AXDND1: variants seen among roughly 807,000 people sequenced by gnomAD.
The protein encoded by AXDND1 is axonemal dynein light chain domain containing 1.
Under a neutral mutation model 137.5 loss-of-function variants are expected in AXDND1, and 110 were observed. The observed-to-expected ratio is 0.80, with a 90% confidence interval of 0.69 to 0.94. The LOEUF (loss-of-function observed/expected upper bound fraction) is 0.94, where lower values mean the gene tolerates loss of function less well. Ranked by LOEUF, AXDND1 falls within the 40% of genes least tolerant of loss-of-function variation. The pLI is 0.00. For missense variants in AXDND1, 1,191 were observed against 1,169.8 expected (o/e 1.02, Z -0.26); for synonymous variants, 414 against 399.7 (o/e 1.04, Z -0.43).
chr1:179,427,401 G>T (rs968844243), intron 12 of AXDND1, among the ~76,000 whole-genome samples: 1 of 151,888 alleles, frequency 6.6e-6, no homozygotes, highest in African/African-American at 2.4e-5. Context: ...GGTAATTTTT[G>T]AGGATCTACT....
intron 18 of AXDND1, among the ~76,000 whole-genome samples, chr1:179,489,217 T>C (rs1210569024): frequency 6.6e-6 from 1 of 152,070 alleles, no homozygotes; most frequent in Non-Finnish European, 1.5e-5. Context: ...TTATATTCAC[T>C]TTCCATCTCA....
intron 20 of AXDND1, among the ~76,000 whole-genome samples, chr1:179,502,882 G>GGTTGGGAGATCAAGAC (rs1668152730): frequency 6.6e-6 from 1 of 151,856 alleles, no homozygotes; most frequent in Non-Finnish European, 1.5e-5. Flanking sequence ...GATCACCTGA[G>GGTTGGGAGATCAAGAC]GTTGGGAGAT....
At chr1:179,474,128 G>A (rs1288131368) in intron 17 of AXDND1, among the ~76,000 whole-genome samples, 1 of 151,856 alleles carries the variant, frequency 6.6e-6, no homozygotes, top group Non-Finnish European at 1.5e-5. Flanking sequence ...GGGAGGCTGA[G>A]GCAGGAGAAT....
chr1:179,529,532 A>G (rs1164559093), intron 23 of AXDND1, among the ~76,000 whole-genome samples: 2 of 152,278 alleles, frequency 1.3e-5, no homozygotes, highest in Admixed American at 1.3e-4. Context: ...GAGTATGGCT[A>G]GAAACAGGTT....
At chr1:179,509,157 C>A in intron 20 of AXDND1, 139 bp from the exon 21 acceptor site, 1 of 580,806 alleles carries the variant, frequency 1.7e-6, no homozygotes, top group East Asian at 3.0e-5. Flanking sequence ...GTCACCACTG[C>A]ACAACTCTTT....
At chr1:179,370,203 C>T in intron 4 of AXDND1, 125 bp downstream of exon 4, 1 of 733,674 alleles carries the variant, frequency 1.4e-6, no homozygotes, top group South Asian at 1.8e-5. Flanking sequence ...TTTACAGTAT[C>T]TTTGAATCAG....
At chr1:179,482,890 A>G (rs949362492) in intron 17 of AXDND1, among the ~76,000 whole-genome samples, 3 of 151,176 alleles carry the variant, frequency 2.0e-5, no homozygotes, top group African/African-American at 7.3e-5. Context: ...TGAACGTAAG[A>G]TCTGCTTTGT....
At chr1:179,421,038 T>A (rs528949350) in intron 12 of AXDND1, among the ~76,000 whole-genome samples, 39 of 6,700 alleles carry the variant, frequency 5.8e-3, no homozygotes, top group Admixed American at 8.5e-3. Context: ...TGGGTATCCC[T>A]TCCTTCCTTC....
chr1:179,375,569 CATACATATATGTACATATATGTAT>C (rs1485227739), intron 4 of AXDND1, among the ~76,000 whole-genome samples: 3 of 149,852 alleles, frequency 2.0e-5, no homozygotes, highest in Admixed American at 6.7e-5. Flanking sequence ...CATATATGTA[CATACATATATGTACATATATGTAT>C]ATAATATATG....
chr1:179,530,614 C>T (rs1381208351), intron 23 of AXDND1, among the ~76,000 whole-genome samples: 1 of 151,134 alleles, frequency 6.6e-6, no homozygotes. Context: ...TGTGGATAGC[C>T]CAGGTAAGGA....
chr1:179,376,053 C>T (rs1668587265), intron 4 of AXDND1, among the ~76,000 whole-genome samples: 1 of 152,188 alleles, frequency 6.6e-6, no homozygotes, highest in South Asian at 2.1e-4. Context: ...CACCATTTCA[C>T]AATATTGCAA....
chr1:179,492,814 A>G, intron 19 of AXDND1, 41 bp from the exon 20 acceptor site: 1 of 1,373,740 alleles, frequency 7.3e-7, no homozygotes, highest in Non-Finnish European at 1.0e-6. Context: ...CTGAGTGTGT[A>G]TTTGCTCTTT....
intron 25 of AXDND1, chr1:179,548,681 C>T (rs1157261513): frequency 6.6e-6 from 1 of 152,238 alleles, no homozygotes; most frequent in Non-Finnish European, 1.5e-5. Flanking sequence ...TGCATACTTA[C>T]TCAGAGCCAT....
At chr1:179,509,201 T>C in intron 20 of AXDND1, 95 bp from the exon 21 acceptor site, 1 of 733,776 alleles carries the variant, frequency 1.4e-6, no homozygotes, top group Non-Finnish European at 2.3e-6. Flanking sequence ...TTGAATATAG[T>C]TATGTTTAGA....
At chr1:179,406,073 C>T (rs531164874) in intron 11 of AXDND1, among the ~76,000 whole-genome samples, 1 of 152,068 alleles carries the variant, frequency 6.6e-6, no homozygotes, top group Non-Finnish European at 1.5e-5. Context: ...TCATTTGTTT[C>T]AAGACATTTA....
chr1:179,469,409 C>T (rs1663648802), intron 17 of AXDND1, among the ~76,000 whole-genome samples: 1 of 152,022 alleles, frequency 6.6e-6, no homozygotes, highest in South Asian at 2.1e-4. Flanking sequence ...TTCATTTGTC[C>T]ATTGATAGAC....
chr1:179,439,151 G>C (rs992187151), intron 15 of AXDND1, among the ~76,000 whole-genome samples: 3 of 152,050 alleles, frequency 2.0e-5, no homozygotes, highest in African/African-American at 7.2e-5. Context: ...TTGTTTTCTA[G>C]CCAGTGGACC....
In AXDND1 at chr1:179,533,443, T is replaced by TA. The variant is rs1255661692; in HGVS notation, c.2716-350dup. 7.2e-5 allele frequency among the ~76,000 whole-genome samples: 11 copies of TA among 152,206 alleles called. 1 individual carries two copies. Among genetic ancestry groups the TA allele is most frequent in the Non-Finnish European group, 1.3e-4 (9 of 68,038 alleles). ...TATACAAGTTAGCTTCCTTGATCTTTAACTTGACTTATAAAGAAACATGTT... is the reference window on the plus strand; with the variant it reads ...TATACAAGTTAGCTTCCTTGATCTTTAAACTTGACTTATAAAGAAACATGTT... On this transcript the variant is annotated intron_variant, in intron 23 of 25. Coordinates refer to ENST00000367618, the MANE Select transcript of AXDND1 (RefSeq NM_144696.6).
intron 20 of AXDND1, among the ~76,000 whole-genome samples, chr1:179,498,068 A>C (rs1300559913): frequency 2.0e-5 from 3 of 152,222 alleles, no homozygotes. Flanking sequence ...AATATCATAA[A>C]AATGGCCATA....
Sources: allele counts gnomAD v4.1 joint callset (sites outside exome capture counted in the v4.1 genomes callset), GRCh38; gene constraint gnomAD v4.1.1; transcripts MANE v1.5; gene names NCBI Gene and HGNC (gene_info 2026-07-23, HGNC 2026-07-21).